The following DOCK4 variants were observed in gnomAD, a reference collection of about 807,000 sequenced individuals.
DOCK4 encodes dedicator of cytokinesis 4, also known as dedicator of cytokinesis protein 4.
DOCK4 carries 97 observed loss-of-function variants against 268.1 expected under a neutral mutation model. That is an observed-to-expected ratio of 0.36 (90% confidence interval 0.31 to 0.43). The LOEUF is 0.43. DOCK4 is among the 20% of genes least tolerant of loss of function. The pLI is 1.00. For synonymous variants in DOCK4, 954 were observed against 887.2 expected, an observed-to-expected ratio of 1.08 and a Z score of -1.34; for missense variants, 2,145 against 2,455.7, an observed-to-expected ratio of 0.87 and a Z score of 2.67.
intron 1 of DOCK4, among the ~76,000 whole-genome samples, chr7:112,160,815 C>T (rs1470115193): frequency 1.3e-5 from 2 of 152,192 alleles, no homozygotes; most frequent in Non-Finnish European, 2.9e-5. Flanking sequence ...AAGATCCTAT[C>T]GCGGCATTCA....
chr7:111,961,885 A>G (rs937345617), intron 8 of DOCK4, among the ~76,000 whole-genome samples: 1 of 152,178 alleles, frequency 6.6e-6, no homozygotes, highest in African/African-American at 2.4e-5. Flanking sequence ...CATTGGAAAA[A>G]AATGTCTTTT....
intron 27 of DOCK4, among the ~76,000 whole-genome samples, chr7:111,813,621 G>T (rs1373526186): frequency 6.6e-6 from 1 of 152,094 alleles, no homozygotes; most frequent in African/African-American, 2.4e-5. Flanking sequence ...TTAAATTTAA[G>T]TATAATAAAA....
chr7:111,954,365 C>T (rs1796291802), intron 8 of DOCK4, among the ~76,000 whole-genome samples: 1 of 152,118 alleles, frequency 6.6e-6, no homozygotes, highest in East Asian at 1.9e-4. Context: ...CGCTGGACTA[C>T]GGGGCTTTGG....
intron 23 of DOCK4, among the ~76,000 whole-genome samples, chr7:111,855,928 T>C (rs951826744): frequency 1.3e-5 from 2 of 152,218 alleles, no homozygotes; most frequent in Non-Finnish European, 2.9e-5. Context: ...CTACTGGATA[T>C]TACAGGCTAC....
At position 111,994,289 on chromosome 7, in the gene DOCK4, T is replaced by G. The variant is rs933830520; in HGVS notation, c.219-58A>C. On this transcript the variant is annotated intron_variant, in intron 4 of 52. Transcript: ENST00000428084. The stretch of plus-strand genomic sequence containing the variant: ...AAATACCATAGACAACAATTTTGTT[T>G]TAAATACTCTAAAAGATAACTAGAA... 3.6e-6 allele frequency: 4 copies of G among 1,122,526 alleles called. No individual in the cohort carries two copies. In the African/African-American group the frequency reaches 4.7e-5, roughly 13 times the overall value. 69.5% of individuals were successfully genotyped at this position (1,122,526 alleles called of 1,614,324 possible). A position where few individuals can be genotyped will look rare whatever the true frequency, so the allele number is the denominator to read the frequency against.
At chr7:112,195,447 G>A (rs1360088697) in intron 1 of DOCK4, among the ~76,000 whole-genome samples, 1 of 152,054 alleles carries the variant, frequency 6.6e-6, no homozygotes, top group Non-Finnish European at 1.5e-5. Flanking sequence ...GATGTTTTGG[G>A]TTTTCGTATT....
intron 1 of DOCK4, among the ~76,000 whole-genome samples, chr7:112,078,343 A>AT (rs1808268009): frequency 6.6e-6 from 1 of 152,154 alleles, no homozygotes; most frequent in Non-Finnish European, 1.5e-5. Context: ...TAGAGCTGTC[A>AT]TTTTTTATAT....
chr7:112,122,806 ATTG>A (rs1812863027), intron 1 of DOCK4, among the ~76,000 whole-genome samples: 1 of 152,152 alleles, frequency 6.6e-6, no homozygotes, highest in Non-Finnish European at 1.5e-5. Flanking sequence ...AAGTTGAAAC[ATTG>A]TTTTTATCTT....
In DOCK4 at chr7:112,137,884, T is replaced by C. The variant is rs565219002; in HGVS notation, c.37+68218A>G. ...AGGGCTAACAATAATACTTGCTTCA[T>C]AGGCTTTCTGTGTGTGCATTACACT... On this transcript the variant is annotated intron_variant, in intron 1 of 52. Coordinates refer to ENST00000428084, the MANE Select transcript of DOCK4 (RefSeq NM_001363540.2). Among the ~76,000 whole-genome samples, 10 of 152,344 alleles carry C rather than the reference T, an allele frequency of 6.6e-5. No individual in the cohort carries two copies. In the East Asian group the frequency reaches 9.6e-4, roughly 15 times the overall value.
chr7:112,095,706 T>G (rs1354901448), intron 1 of DOCK4, among the ~76,000 whole-genome samples: 1 of 151,996 alleles, frequency 6.6e-6, no homozygotes, highest in Non-Finnish European at 1.5e-5. Context: ...TTTCAGTAAA[T>G]CCCCTTAAGA....
intron 1 of DOCK4, among the ~76,000 whole-genome samples, chr7:112,057,133 G>C (rs1805888302): frequency 2.0e-5 from 3 of 152,112 alleles, no homozygotes; most frequent in Non-Finnish European, 2.9e-5. Context: ...GAGCATATTT[G>C]CTGGGCAAGG....
intron 16 of DOCK4, among the ~76,000 whole-genome samples, chr7:111,883,196 G>A (rs766226274): frequency 6.6e-6 from 1 of 152,072 alleles, no homozygotes; most frequent in Non-Finnish European, 1.5e-5. Flanking sequence ...AAGTGTTTAG[G>A]CAAAGTAATG....
At chr7:112,123,520 T>C (rs1812938039) in intron 1 of DOCK4, among the ~76,000 whole-genome samples, 1 of 152,230 alleles carries the variant, frequency 6.6e-6, no homozygotes. Flanking sequence ...GATTGCAGTT[T>C]ACACCAGTCA....
At chr7:111,976,269 T>TA (rs1491543011) in intron 8 of DOCK4, among the ~76,000 whole-genome samples, 3 of 33,138 alleles carry the variant, frequency 9.1e-5, no homozygotes, top group South Asian at 1.5e-3. Context: ...TGTGTGTCTA[T>TA]TATATATATA....
At chr7:111,889,268 T>C (rs556399091) in intron 16 of DOCK4, among the ~76,000 whole-genome samples, 1 of 152,150 alleles carries the variant, frequency 6.6e-6, no homozygotes, top group Non-Finnish European at 1.5e-5. Flanking sequence ...AGTCAAGTGA[T>C]CAATTCTTCT....
Position 111,736,902 on chromosome 7 carries a change from T to C in DOCK4, c.5305+15A>G. 1.3e-6 allele frequency: 2 copies of C among 1,591,000 alleles called. No individual in the cohort carries two copies. Among genetic ancestry groups the C allele is most frequent in the South Asian group, 1.1e-5 (1 of 87,226 alleles). The stretch of plus-strand genomic sequence containing the variant: ...CCCTTACACATTCCAGGACTGACCA[T>C]GGGGCTGGCCTTACCTTTTTCAGGT... On this transcript the variant is annotated intron_variant, in intron 50 of 52. Coordinates refer to ENST00000428084, the MANE Select transcript of DOCK4 (RefSeq NM_001363540.2).
At chr7:112,009,536 G>A (rs1433686355) in intron 1 of DOCK4, among the ~76,000 whole-genome samples, 1 of 152,188 alleles carries the variant, frequency 6.6e-6, no homozygotes, top group Non-Finnish European at 1.5e-5. Context: ...TCCATCAGAA[G>A]GCAGTGATGG....
At chr7:112,193,690 C>T (rs747497871) in intron 1 of DOCK4, among the ~76,000 whole-genome samples, 11 of 151,910 alleles carry the variant, frequency 7.2e-5, no homozygotes, top group Non-Finnish European at 1.3e-4. Flanking sequence ...AGAGAGCCAA[C>T]ACTAACTACA....
chr7:111,844,881 T>A lies in DOCK4; in HGVS notation c.2618A>T (p.Glu873Val), dbSNP rs762984143. ...GCTGGCCACTATCACATCTATTTCC[T>A]CCAGCACAGATTTTTCCTTAAGAGA... ...KKNSSEKSVL[E>V]EIDVIVASLL... Residue 873 changes from glutamate to valine, a missense_variant, in exon 25 of 53, where the codon GAG becomes GTG. By Grantham distance (121) the Glu-to-Val change is moderately radical (BLOSUM62 -2). Around this residue, in one of 2 missense-constraint regions of DOCK4, gnomAD observed 1,598 missense variants for 1,986.7 expected, o/e 0.80. Transcript: ENST00000428084. 6.2e-7 allele frequency: 1 copy of A among 1,611,562 alleles called. No homozygotes were observed.
Sources: allele counts gnomAD v4.1 joint callset (sites outside exome capture counted in the v4.1 genomes callset), GRCh38; gene constraint gnomAD v4.1.1; regional missense constraint gnomAD v4.1.1; transcripts MANE v1.5; gene names NCBI Gene and HGNC (gene_info 2026-07-23, HGNC 2026-07-21).